The following EPHB2 variants were observed in gnomAD, a reference collection of about 807,000 sequenced individuals.
The protein encoded by EPHB2 is EPH receptor B2.
In EPHB2, 18 loss-of-function variants were observed where a neutral mutation model predicts 96.4. That is an observed-to-expected ratio of 0.19 (90% CI 0.13 to 0.28). The LOEUF (loss-of-function observed/expected upper bound fraction) is 0.28. EPHB2 is among the 10% of genes least tolerant of loss of function. The pLI, the probability that EPHB2 is intolerant of heterozygous loss-of-function variation, is 1.00. For synonymous variants in EPHB2, 506 were observed against 534.1 expected (o/e 0.95, Z 0.72); for missense variants, 989 against 1,355.4 (o/e 0.73, Z 4.25).
intron 1 of EPHB2, among the ~76,000 whole-genome samples, chr1:22,748,539 GC>G (rs1440819784): frequency 1.3e-5 from 2 of 151,786 alleles, no homozygotes; most frequent in Admixed American, 1.3e-4. Flanking sequence ...ACACCATCAT[GC>G]CCAGCTAATT....
intron 3 of EPHB2, among the ~76,000 whole-genome samples, chr1:22,814,828 G>A (rs545930950): frequency 6.6e-6 from 1 of 152,350 alleles, no homozygotes; most frequent in South Asian, 2.1e-4. Flanking sequence ...TGGTTTACAA[G>A]GCATGGGGCT....
At chr1:22,854,596 T>C (rs895792547) in intron 3 of EPHB2, among the ~76,000 whole-genome samples, 1 of 152,204 alleles carries the variant, frequency 6.6e-6, no homozygotes, top group Non-Finnish European at 1.5e-5. Flanking sequence ...ACAGAGTGCT[T>C]CCTTTCTGTG....
Position 22,917,862 on chromosome 1 carries a change from G to A in EPHB2, c.*4292G>A, listed in dbSNP as rs1016878965. 1.3e-5 allele frequency: 2 copies of A among 152,276 alleles called. No homozygotes were observed. The highest frequency in any genetic ancestry group is 2.9e-5 in the Non-Finnish European group (2 of 68,118). The allele number at this position is 152,276 out of a possible 1,614,324, so 9.4% of individuals were successfully genotyped here. A position where few individuals can be genotyped will look rare whatever the true frequency, so the allele number is the denominator to read the frequency against. ...TCAAGTGGGCTGGGGCTGTCAGGGA[G>A]GGCTTCATGGAGAGGCTGTCTTGAA... On this transcript the variant is annotated 3_prime_UTR_variant, in exon 16 of 16. Coordinates refer to ENST00000374630, the MANE Select transcript of EPHB2 (RefSeq NM_017449.5).
At chr1:22,736,196 G>A (rs1335460776) in intron 1 of EPHB2, among the ~76,000 whole-genome samples, 4 of 152,120 alleles carry the variant, frequency 2.6e-5, no homozygotes, top group Non-Finnish European at 5.9e-5. Flanking sequence ...TACACACGGG[G>A]GTCTACAGGA....
chr1:22,863,183 C>T lies in EPHB2; in HGVS notation c.958C>T (p.Pro320Ser), dbSNP rs770933694. 1 of 1,614,208 alleles carries T rather than the reference C, an allele frequency of 6.2e-7. No homozygotes were observed. The highest frequency in any genetic ancestry group is 8.5e-7 in the Non-Finnish European group (1 of 1,180,036). The change falls in exon 4 of 16, where the codon CCC becomes TCC. Residue 320 changes from proline (P) to serine (S), a missense_variant. Pro to Ser is a moderately conservative substitution (Grantham distance 74, BLOSUM62 -1). Transcript: ENST00000374630. ...AGCAGACCTGGACCCCCTGGACATG[C>T]CCTGCACAAGTAAGTCCTAGGGCCC... Reference protein sequence around the residue: ...YRADLDPLDMPCTTIPSAPQA... With the variant: ...YRADLDPLDMSCTTIPSAPQA...
At chr1:22,867,619 C>T (rs917626341) in intron 5 of EPHB2, among the ~76,000 whole-genome samples, 2 of 152,198 alleles carry the variant, frequency 1.3e-5, no homozygotes, top group African/African-American at 4.8e-5. Flanking sequence ...TGCCTGTAAT[C>T]CCAGCACTTT....
intron 2 of EPHB2, among the ~76,000 whole-genome samples, chr1:22,782,733 G>A (rs553499833): frequency 6.6e-5 from 10 of 152,252 alleles, no homozygotes; most frequent in South Asian, 2.1e-4. Flanking sequence ...GAAGAGCAGC[G>A]GTTGTAACAA....
intron 1 of EPHB2, among the ~76,000 whole-genome samples, chr1:22,754,723 G>A (rs927523177): frequency 8.2e-5 from 12 of 146,462 alleles, no homozygotes; most frequent in Admixed American, 2.1e-4. Flanking sequence ...TCTGTGTGCC[G>A]TGTGTCAGGA....
intron 3 of EPHB2, among the ~76,000 whole-genome samples, chr1:22,809,305 A>G (rs1180698547): frequency 6.6e-6 from 1 of 151,980 alleles, no homozygotes; most frequent in Non-Finnish European, 1.5e-5. Context: ...TGGAGTATTT[A>G]CTCGGCACCC....
rs763762401 is a variant in EPHB2 at position 22,913,895 on chromosome 1, A to T, written c.*325A>T. ...AAAAAGGGCTTGGGAGATTCATGCGATGTGTCCAATCGGAGACAAAAGCAG... is the reference window on the plus strand; with the variant it reads ...AAAAAGGGCTTGGGAGATTCATGCGTTGTGTCCAATCGGAGACAAAAGCAG... On this transcript the variant is annotated 3_prime_UTR_variant, in exon 16 of 16. Coordinates refer to ENST00000374630, the MANE Select transcript of EPHB2 (RefSeq NM_017449.5). This position sits in a 1 kb window ranked among gnomAD's most constrained non-coding sequence, Gnocchi z 4.1. 3 of 1,568,012 alleles carry T rather than the reference A, an allele frequency of 1.9e-6. No homozygotes were observed.
intron 1 of EPHB2, among the ~76,000 whole-genome samples, chr1:22,712,015 GCACTTTACAGTTTTCAAAC>G (rs1019320891): frequency 2.6e-5 from 4 of 152,230 alleles, no homozygotes; most frequent in African/African-American, 9.6e-5. Flanking sequence ...CACGTGTACT[GCACTTTACAGTTTTCAAAC>G]CACTTTACAG....
chr1:22,808,945 G>A (rs149588389), intron 3 of EPHB2, among the ~76,000 whole-genome samples: 240 of 152,276 alleles, frequency 1.6e-3, no homozygotes, highest in African/African-American at 5.2e-3. Flanking sequence ...GCCACCCTGC[G>A]GGCTGCTGGG....
chr1:22,851,706 A>G (rs115555330), intron 3 of EPHB2, among the ~76,000 whole-genome samples: 2,012 of 152,012 alleles, frequency 0.013, 43 homozygotes, highest in African/African-American at 0.046. Flanking sequence ...CTCCAGCCTC[A>G]TCTCCTTCCT....
At position 22,913,618 on chromosome 1, in the gene EPHB2, GC is replaced by G. The variant is rs779285071; in HGVS notation, c.*52del. 6.2e-7 allele frequency: 1 copy of G among 1,610,142 alleles called. No homozygotes were observed. Among genetic ancestry groups the G allele is most frequent in the Non-Finnish European group, 8.5e-7 (1 of 1,178,208 alleles). Reference sequence around the variant, plus strand: ...TCTTCCTCCAAGCCCCGCCCCCTCTGCCCCACGTGCCGGCCCTCCTGGTGCT... The same window carrying G: ...TCTTCCTCCAAGCCCCGCCCCCTCTGCCCACGTGCCGGCCCTCCTGGTGCT... On this transcript the variant is annotated 3_prime_UTR_variant, in exon 16 of 16. Transcript: ENST00000374630. This position sits in a 1 kb window ranked among gnomAD's most constrained non-coding sequence, Gnocchi z 4.1.
At chr1:22,714,597 T>C (rs548883168) in intron 1 of EPHB2, among the ~76,000 whole-genome samples, 1 of 151,916 alleles carries the variant, frequency 6.6e-6, no homozygotes, top group East Asian at 1.9e-4. Context: ...GCTGGGGAGT[T>C]TGGATCAAAT....
chr1:22,714,449 C>A (rs1410111995), intron 1 of EPHB2, among the ~76,000 whole-genome samples: 1 of 152,088 alleles, frequency 6.6e-6, no homozygotes, highest in Non-Finnish European at 1.5e-5. Flanking sequence ...GTCTATATGT[C>A]CATAGAAAGA....
intron 9 of EPHB2, among the ~76,000 whole-genome samples, chr1:22,896,801 T>C (rs1166292407): frequency 6.6e-6 from 1 of 152,176 alleles, no homozygotes; most frequent in Non-Finnish European, 1.5e-5. Flanking sequence ...GCAGGCTGCA[T>C]TGAGGTGGCT....
chr1:22,776,173 G>A (rs1229054802), intron 1 of EPHB2, among the ~76,000 whole-genome samples: 1 of 152,102 alleles, frequency 6.6e-6, no homozygotes, highest in East Asian at 1.9e-4. Context: ...TTCAGCCAGC[G>A]CTTGATTCCC....
rs772822931 is a variant in EPHB2, at chr1:22,865,057, C to T, written c.1148C>T (p.Pro383Leu). 1 of 1,614,074 alleles carries T rather than the reference C, an allele frequency of 6.2e-7. No homozygotes were observed. The highest frequency in any genetic ancestry group is 1.7e-5 in the Admixed American group (1 of 60,012). ...TRCGDNVQYAPRQLGLTEPRI... is the reference protein window; with the variant it reads ...TRCGDNVQYALRQLGLTEPRI... ...TGCGGGGACAATGTACAGTACGCACCACGCCAGCTAGGCCTGACCGAGCCA... is the reference window on the plus strand; with the variant it reads ...TGCGGGGACAATGTACAGTACGCACTACGCCAGCTAGGCCTGACCGAGCCA... Residue 383 changes from proline (P) to leucine (L), a missense_variant, in exon 5 of 16, where the codon CCA (proline) becomes CTA (leucine). Physicochemically the swap from Pro to Leu is moderately conservative, Grantham distance 98. Coordinates refer to ENST00000374630, the MANE Select transcript of EPHB2 (RefSeq NM_017449.5).
Sources: allele counts gnomAD v4.1 joint callset (sites outside exome capture counted in the v4.1 genomes callset), GRCh38; gene constraint gnomAD v4.1.1; non-coding constraint Gnocchi (gnomAD v3.1); transcripts MANE v1.5; gene names NCBI Gene and HGNC (gene_info 2026-07-23, HGNC 2026-07-21).